FRMD6: variants seen among roughly 807,000 people sequenced by gnomAD.
FRMD6 encodes the protein FERM domain-containing protein 6.
Under a neutral mutation model 73.2 loss-of-function variants are expected in FRMD6, and 37 were observed. The observed-to-expected ratio is 0.51, with a 90% CI of 0.39 to 0.66. FRMD6 has a LOEUF of 0.66. Among genes scored for constraint, FRMD6 ranks in the 30% least tolerant of loss-of-function variants. The pLI, the probability that FRMD6 is intolerant of heterozygous loss-of-function variation, is 0.00. For missense variants in FRMD6, 714 were observed against 780.5 expected, an observed-to-expected ratio of 0.91 and a Z score of 1.02; for synonymous variants, 273 against 282.2, an observed-to-expected ratio of 0.97 and a Z score of 0.33.
At chr14:51,402,519 G>A in the FRMD6 span, among the ~76,000 whole-genome samples, 1 of 152,162 alleles carries the variant, frequency 6.6e-6, no homozygotes, top group Admixed American at 6.5e-5. Flanking sequence ...CGTAAGATAT[G>A]ACTTGCTCCT....
chr14:51,539,035 G>T (rs536539915), intron 1 of FRMD6, among the ~76,000 whole-genome samples: 2 of 152,192 alleles, frequency 1.3e-5, no homozygotes, highest in African/African-American at 4.8e-5. Context: ...GCAAAACCTG[G>T]TTGGACTCAG....
intron 1 of FRMD6, among the ~76,000 whole-genome samples, chr14:51,512,229 G>A (rs1884352201): frequency 6.6e-6 from 1 of 152,152 alleles, no homozygotes; most frequent in South Asian, 2.1e-4. Flanking sequence ...TGAAGGTGTT[G>A]TGGTGGTTTA....
chr14:51,441,572 T>C, the FRMD6 span, among the ~76,000 whole-genome samples: 1 of 152,238 alleles, frequency 6.6e-6, no homozygotes, highest in East Asian at 1.9e-4. Context: ...TTCTATTCTG[T>C]GATCCTTACT....
chr14:51,468,320 AGAGGGG>A, the FRMD6 span, among the ~76,000 whole-genome samples: 59 of 37,480 alleles, frequency 1.6e-3, no homozygotes, highest in African/African-American at 5.6e-3. Flanking sequence ...AGGGGGAGGG[AGAGGGG>A]GAGGGGGAGG....
chr14:51,490,263 C>T (rs1393228257), intron 1 of FRMD6, among the ~76,000 whole-genome samples: 1 of 152,196 alleles, frequency 6.6e-6, no homozygotes, highest in Non-Finnish European at 1.5e-5. Context: ...AGTAACTAGG[C>T]AATCAGTTCT....
chr14:51,680,020 G>T (rs543653164), intron 1 of FRMD6, among the ~76,000 whole-genome samples: 101 of 152,310 alleles, frequency 6.6e-4, no homozygotes, highest in African/African-American at 2.4e-3. Context: ...GTTAAAGCTA[G>T]AGAAGGCGAT....
intron 2 of FRMD6, among the ~76,000 whole-genome samples, chr14:51,690,814 C>G (rs1410872348): frequency 2.0e-5 from 3 of 152,134 alleles, no homozygotes; most frequent in African/African-American, 7.2e-5. Context: ...GAGTCATAGT[C>G]AGCTTGCTTA....
At chr14:51,421,618 A>G in the FRMD6 span, among the ~76,000 whole-genome samples, 1 of 152,238 alleles carries the variant, frequency 6.6e-6, no homozygotes, top group African/African-American at 2.4e-5. Context: ...CCTGAGTGCT[A>G]TAGGGAACCT....
chr14:51,520,084 A>C (rs1884861352), intron 1 of FRMD6, among the ~76,000 whole-genome samples: 1 of 152,200 alleles, frequency 6.6e-6, no homozygotes, highest in African/African-American at 2.4e-5. Context: ...TATGTCAAAA[A>C]ATTTGTGCCA....
intron 2 of FRMD6, among the ~76,000 whole-genome samples, chr14:51,608,600 C>T (rs746639366): frequency 1.3e-5 from 2 of 152,064 alleles, no homozygotes; most frequent in Non-Finnish European, 2.9e-5. Flanking sequence ...TGTTCAGCCA[C>T]GCTTGCAGTA....
chr14:51,611,627 G>A (rs1566502062), intron 2 of FRMD6, among the ~76,000 whole-genome samples: 1 of 152,200 alleles, frequency 6.6e-6, no homozygotes, highest in Non-Finnish European at 1.5e-5. Flanking sequence ...AATTCAGTAG[G>A]ACTAGGGTAG....
chr14:51,552,734 G>C (rs757555125), intron 1 of FRMD6, among the ~76,000 whole-genome samples: 19 of 152,186 alleles, frequency 1.2e-4, no homozygotes, highest in Non-Finnish European at 2.4e-4. Flanking sequence ...ATGAAACTAT[G>C]CAAGCAAAAC....
At chr14:51,603,436 A>AT (rs548150144) in intron 2 of FRMD6, among the ~76,000 whole-genome samples, 43 of 150,612 alleles carry the variant, frequency 2.9e-4, no homozygotes, top group East Asian at 1.6e-3. Flanking sequence ...ATTGCAAGTG[A>AT]TTTTTTTTTT....
chr14:51,712,934 T>C lies in FRMD6; in HGVS notation c.849+383T>C, dbSNP rs1335941695. On this transcript the variant is annotated intron_variant, in intron 9 of 13. Coordinates refer to ENST00000344768, the MANE Select transcript of FRMD6 (RefSeq NM_001267046.2). ...CTCTTGAGCAAAGAATAAAGAATTA[T>C]ATAAAAAGATGTTTCTATTAATATT... 2.6e-5 allele frequency among the ~76,000 whole-genome samples: 4 copies of C among 152,220 alleles called. 1 individual carries two copies. Among genetic ancestry groups the C allele is most frequent in the Admixed American group, 2.6e-4 (4 of 15,280 alleles).
At position 51,503,480 on chromosome 14, in the gene FRMD6, G is replaced by A. The variant is rs185009410; in HGVS notation, c.-210+14060G>A. ...AATAGGCATCTATTGAGATAATCAT[G>A]TGCTTTTGTCTTTAGATCTGTTTAT... On this transcript the variant is annotated intron_variant, in intron 1 of 14. Transcript: ENST00000356218. Among the ~76,000 whole-genome samples, 11 of 152,212 alleles carry A rather than the reference G, an allele frequency of 7.2e-5. No individual in the cohort carries two copies. In the East Asian group the frequency reaches 2.1e-3, roughly 29 times the overall value.
At chr14:51,482,311 C>T in the FRMD6 span, among the ~76,000 whole-genome samples, 6 of 152,204 alleles carry the variant, frequency 3.9e-5, no homozygotes, top group Non-Finnish European at 2.9e-5. Flanking sequence ...AGCCAGCCCT[C>T]GCACGTGGTG....
chr14:51,618,335 A>C (rs1205284992), intron 2 of FRMD6, among the ~76,000 whole-genome samples: 2 of 152,194 alleles, frequency 1.3e-5, no homozygotes, highest in African/African-American at 4.8e-5. Flanking sequence ...TAGAGTGTAG[A>C]GAGCCAAGGG....
chr14:51,425,315 C>T, the FRMD6 span, among the ~76,000 whole-genome samples: 1 of 152,116 alleles, frequency 6.6e-6, no homozygotes, highest in African/African-American at 2.4e-5. Context: ...GACCTGTGAC[C>T]CCCTGAGGAT....
the FRMD6 span, among the ~76,000 whole-genome samples, chr14:51,465,656 G>T: frequency 1.3e-5 from 2 of 152,304 alleles, no homozygotes; most frequent in Non-Finnish European, 2.9e-5. Context: ...TTGTTGCTGG[G>T]TAGTATTCTA....
Sources: allele counts gnomAD v4.1 joint callset (sites outside exome capture counted in the v4.1 genomes callset), GRCh38; gene constraint gnomAD v4.1.1; transcripts MANE v1.5; gene names NCBI Gene and HGNC (gene_info 2026-07-23, HGNC 2026-07-21).